Variants in C1GALT1 observed in about 807,000 individuals in gnomAD.
C1GALT1 encodes core 1 synthase, glycoprotein-N-acetylgalactosamine 3-beta-galactosyltransferase 1, also known as glycoprotein-N-acetylgalactosamine 3-beta-galactosyltransferase 1.
A neutral mutation model predicts 31.0 loss-of-function variants in C1GALT1; 11 were observed. The ratio of observed to expected loss-of-function variants is 0.36; its 90% CI spans 0.22 to 0.59. The LOEUF (loss-of-function observed/expected upper bound fraction) is 0.59. Ranked by LOEUF, C1GALT1 falls within the 20% of genes least tolerant of loss-of-function variation. The pLI, the probability that C1GALT1 is intolerant of heterozygous loss-of-function variation, is 0.79. For missense variants in C1GALT1, 424 were observed against 425.2 expected (o/e 1.00, Z 0.03); for synonymous variants, 175 against 143.6 (o/e 1.22, Z -1.56).
At chr7:7,212,535 T>TA (rs1583789458) in intron 1 of C1GALT1, among the ~76,000 whole-genome samples, 2 of 152,188 alleles carry the variant, frequency 1.3e-5, no homozygotes, top group Admixed American at 6.5e-5. Flanking sequence ...CATTGTTACT[T>TA]ATGTCCGTAT....
chr7:7,228,009 TGATTCA>T (rs1166023417), intron 1 of C1GALT1, among the ~76,000 whole-genome samples: 1 of 152,222 alleles, frequency 6.6e-6, no homozygotes, highest in Non-Finnish European at 1.5e-5. Flanking sequence ...TCTGAATTCC[TGATTCA>T]GATTGCTAGT....
intron 1 of C1GALT1, among the ~76,000 whole-genome samples, chr7:7,184,125 T>C (rs939719230): frequency 3.9e-5 from 6 of 152,242 alleles, no homozygotes; most frequent in Admixed American, 6.5e-5. Context: ...GTTCTAAATA[T>C]TGTATATAGT....
intron 1 of C1GALT1, among the ~76,000 whole-genome samples, chr7:7,186,429 C>T (rs965719295): frequency 6.6e-6 from 1 of 152,146 alleles, no homozygotes; most frequent in African/African-American, 2.4e-5. Flanking sequence ...AATGTGGTCC[C>T]TGGATCTGCA....
At chr7:7,189,759 C>T (rs78704698) in intron 1 of C1GALT1, among the ~76,000 whole-genome samples, 4,127 of 152,098 alleles carry the variant, frequency 0.027, 105 homozygotes, top group African/African-American at 0.071. Context: ...GATCTCAATT[C>T]GTAATATCAA....
intron 1 of C1GALT1, among the ~76,000 whole-genome samples, chr7:7,213,998 C>A (rs73674692): frequency 8.9e-4 from 136 of 152,296 alleles, no homozygotes; most frequent in African/African-American, 3.1e-3. Context: ...GCTCATCTCC[C>A]AGTGGGGGGT....
chr7:7,195,524 T>G (rs111449946), intron 1 of C1GALT1, among the ~76,000 whole-genome samples: 3,590 of 152,304 alleles, frequency 0.024, 124 homozygotes, highest in African/African-American at 0.081. Flanking sequence ...TATTCCACTA[T>G]AGTGTGAGAG....
chr7:7,161,150 T>C (rs1306412189), intron 2 of C1GALT1, among the ~76,000 whole-genome samples: 1 of 152,114 alleles, frequency 6.6e-6, no homozygotes, highest in Non-Finnish European at 1.5e-5. Flanking sequence ...AGTAAACTAC[T>C]TGTCAAGAGG....
intron 1 of C1GALT1, among the ~76,000 whole-genome samples, chr7:7,228,202 GGTA>G (rs773513042): frequency 6.6e-6 from 1 of 152,060 alleles, no homozygotes; most frequent in Non-Finnish European, 1.5e-5. Flanking sequence ...GTTGTTTCTG[GGTA>G]GTAGGACTTG....
rs545331529 is a variant in C1GALT1, at chr7:7,248,511, A to T, written c.*4784A>T. On this transcript the variant is annotated 3_prime_UTR_variant, in exon 4 of 4. Transcript: ENST00000436587. ...GTGACTTGCTTATTTTTAAGTGATCACCATTAAGTCAGAAAAATGTATTTT... is the reference window on the plus strand; with the variant it reads ...GTGACTTGCTTATTTTTAAGTGATCTCCATTAAGTCAGAAAAATGTATTTT... The T allele has an allele frequency of 6.6e-6, 1 of 152,120 alleles. No individual in the cohort carries two copies. Among genetic ancestry groups the T allele is most frequent in the Non-Finnish European group, 1.5e-5 (1 of 67,862 alleles). The allele number at this position is 152,120 out of a possible 1,614,324, so 9.4% of individuals were successfully genotyped here.
Position 7,248,226 on chromosome 7 carries a change from C to A in C1GALT1, c.*4499C>A, listed in dbSNP as rs1783925536. ...GCTAGAATAAGGAATTTTACAAATT[C>A]TCTTTAGAGCAACCAACATTAAAGT... On this transcript the variant is annotated 3_prime_UTR_variant, in exon 4 of 4. Transcript: ENST00000436587. The A allele has an allele frequency of 6.6e-6, 1 of 151,894 alleles. No individual in the cohort carries two copies. The allele number at this position is 151,894 out of a possible 1,614,324, so 9.4% of individuals were successfully genotyped here. A position where few individuals can be genotyped will look rare whatever the true frequency, so the allele number is the denominator to read the frequency against.
chr7:7,158,576 A>G (rs62453506), intron 2 of C1GALT1, among the ~76,000 whole-genome samples: 23,968 of 150,334 alleles, frequency 0.16, 2,121 homozygotes, highest in Middle Eastern at 0.27. Flanking sequence ...ATACACATAC[A>G]TTTTTATATA....
At chr7:7,242,669 T>C (rs1204301064) in intron 3 of C1GALT1, among the ~76,000 whole-genome samples, 1 of 152,020 alleles carries the variant, frequency 6.6e-6, no homozygotes, top group Non-Finnish European at 1.5e-5. Context: ...TCATCTCTTT[T>C]TCTGTCTTCT....
intron 2 of C1GALT1, among the ~76,000 whole-genome samples, chr7:7,173,676 C>G (rs1385573766): frequency 1.3e-5 from 2 of 152,150 alleles, no homozygotes; most frequent in Non-Finnish European, 2.9e-5. Flanking sequence ...GCCAAGGCAG[C>G]AGATTACTTA....
chr7:7,191,327 T>A lies in C1GALT1; in HGVS notation c.-18+8507T>A, dbSNP rs2128231892. Among the ~76,000 whole-genome samples the A allele has an allele frequency of 1.3e-5, 2 of 152,286 alleles. 1 individual carries two copies. The highest frequency in any genetic ancestry group is 4.1e-4 in the South Asian group (2 of 4,834). ...TAGCATATATCAGAATTTCCTTACT[T>A]TTCAAGGCTGAATACTATTCCATTG... is the stretch of plus-strand genomic sequence containing the variant. On this transcript the variant is annotated intron_variant, in intron 1 of 3. Transcript: ENST00000436587.
At chr7:7,173,727 C>T (rs148450083) in intron 2 of C1GALT1, among the ~76,000 whole-genome samples, 12 of 152,198 alleles carry the variant, frequency 7.9e-5, no homozygotes, top group African/African-American at 2.9e-4. Flanking sequence ...CATGGTGAAA[C>T]CCTATTTCTA....
chr7:7,165,486 T>C (rs899555726), intron 2 of C1GALT1, among the ~76,000 whole-genome samples: 4 of 152,072 alleles, frequency 2.6e-5, no homozygotes, highest in Non-Finnish European at 4.4e-5. Context: ...AAACATCATA[T>C]CCATGGGGTG....
intron 1 of C1GALT1, among the ~76,000 whole-genome samples, chr7:7,186,654 C>G (rs1244201420): frequency 3.9e-5 from 6 of 152,178 alleles, no homozygotes; most frequent in Admixed American, 3.9e-4. Flanking sequence ...CCAGTGAAGA[C>G]TCCTGAAAAG....
intron 3 of C1GALT1, among the ~76,000 whole-genome samples, chr7:7,240,035 C>A (rs1345877093): frequency 1.3e-5 from 2 of 152,192 alleles, no homozygotes; most frequent in African/African-American, 4.8e-5. Flanking sequence ...GCCTTCTTTT[C>A]TGTGGACCTA....
At chr7:7,188,388 T>C (rs187112145) in intron 1 of C1GALT1, among the ~76,000 whole-genome samples, 17 of 152,262 alleles carry the variant, frequency 1.1e-4, no homozygotes, top group Admixed American at 1.0e-3. Flanking sequence ...TAGCAGGCAT[T>C]TGTGTATGTG....
Sources: allele counts gnomAD v4.1 joint callset (sites outside exome capture counted in the v4.1 genomes callset), GRCh38; gene constraint gnomAD v4.1.1; transcripts MANE v1.5; gene names NCBI Gene and HGNC (gene_info 2026-07-23, HGNC 2026-07-21).